The following RERG variants were observed in gnomAD, a reference collection of about 807,000 sequenced individuals.
RERG encodes RAS like estrogen regulated growth inhibitor.
In RERG, 25 loss-of-function variants were observed where a neutral mutation model predicts 23.2. That is an observed-to-expected ratio of 1.08 (90% CI 0.79 to 1.50). The LOEUF (loss-of-function observed/expected upper bound fraction) is 1.50. RERG is among the 40% of genes most tolerant of loss of function. The pLI is 0.00. For synonymous variants in RERG, 81 were observed against 89.1 expected (o/e 0.91, Z 0.51); for missense variants, 253 against 250.1 (o/e 1.01, Z -0.08).
intron 2 of RERG, among the ~76,000 whole-genome samples, chr12:15,204,107 T>A (rs1295959732): frequency 2.6e-5 from 4 of 151,650 alleles, no homozygotes; most frequent in African/African-American, 9.7e-5. Flanking sequence ...AGACCCAGAA[T>A]AGCCAACACA....
chr12:15,135,008 A>G (rs1443831794), intron 2 of RERG, among the ~76,000 whole-genome samples: 1 of 152,194 alleles, frequency 6.6e-6, no homozygotes, highest in Non-Finnish European at 1.5e-5. Flanking sequence ...AATTGGGAAG[A>G]ACTGACATCT....
At chr12:15,119,219 A>AC (rs1346797666) in intron 3 of RERG, among the ~76,000 whole-genome samples, 1 of 152,010 alleles carries the variant, frequency 6.6e-6, no homozygotes, top group Non-Finnish European at 1.5e-5. Context: ...TCACTCAATA[A>AC]AGTTTCATTA....
chr12:15,156,982 G>A (rs1311061265), intron 2 of RERG, among the ~76,000 whole-genome samples: 2 of 152,204 alleles, frequency 1.3e-5, no homozygotes, highest in Non-Finnish European at 2.9e-5. Flanking sequence ...TCTGTTGTTA[G>A]AGGATCCATT....
intron 2 of RERG, among the ~76,000 whole-genome samples, chr12:15,211,295 A>ACG (rs1814514580): frequency 6.7e-6 from 1 of 149,860 alleles, no homozygotes; most frequent in African/African-American, 2.5e-5. Context: ...ACACACACAC[A>ACG]CACACACACA....
chr12:15,120,924 G>A, intron 3 of RERG, 139 bp downstream of exon 3: 1 of 703,184 alleles, frequency 1.4e-6, no homozygotes, highest in East Asian at 2.7e-5. Context: ...TAGCCTCATA[G>A]AGGGCTTCTT....
At chr12:15,207,046 T>C (rs1759370228) in intron 2 of RERG, among the ~76,000 whole-genome samples, 1 of 152,148 alleles carries the variant, frequency 6.6e-6, no homozygotes, top group African/African-American at 2.4e-5. Context: ...TGTGATACAG[T>C]GTTAACGTGC....
chr12:15,162,235 A>T (rs1440309227), intron 2 of RERG, among the ~76,000 whole-genome samples: 1 of 152,218 alleles, frequency 6.6e-6, no homozygotes, highest in African/African-American at 2.4e-5. Context: ...TACTCTGGTT[A>T]TGCACTGAGT....
At chr12:15,162,892 C>T (rs1244506424) in intron 2 of RERG, among the ~76,000 whole-genome samples, 4 of 152,252 alleles carry the variant, frequency 2.6e-5, no homozygotes, top group South Asian at 2.1e-4. Context: ...TGCTCTAGAC[C>T]TTAGAGTCCT....
chr12:15,166,501 G>GATGAT (rs1466323850), intron 2 of RERG, among the ~76,000 whole-genome samples: 2 of 151,278 alleles, frequency 1.3e-5, no homozygotes, highest in Non-Finnish European at 2.9e-5. Context: ...TGATGATGAT[G>GATGAT]GGGATGGTGG....
chr12:15,145,833 T>C (rs996198880), intron 2 of RERG, among the ~76,000 whole-genome samples: 2 of 152,234 alleles, frequency 1.3e-5, no homozygotes, highest in Non-Finnish European at 2.9e-5. Flanking sequence ...AAATGGACTA[T>C]TTCAACTTTC....
intron 2 of RERG, among the ~76,000 whole-genome samples, chr12:15,151,755 G>C (rs34435341): frequency 2.6e-5 from 4 of 152,292 alleles, no homozygotes; most frequent in Non-Finnish European, 5.9e-5. Context: ...TAAGCAAAGA[G>C]AACTAATATG....
intron 2 of RERG, among the ~76,000 whole-genome samples, chr12:15,214,206 A>C (rs983921618): frequency 2.0e-5 from 3 of 152,216 alleles, no homozygotes; most frequent in Non-Finnish European, 4.4e-5. Context: ...GAGCATTTGC[A>C]ATGTGCCAGG....
chr12:15,185,306 A>G (rs767335116), intron 2 of RERG, among the ~76,000 whole-genome samples: 3 of 152,160 alleles, frequency 2.0e-5, no homozygotes, highest in Non-Finnish European at 2.9e-5. Flanking sequence ...CGTGGCCTAG[A>G]CATCAAGATT....
Position 15,111,327 on chromosome 12 carries a change from C to A in RERG, c.192+17G>T. ...TATTTGATCCAGAAAAATATTTTAG[C>A]TGAACTCTTTATTCACCTGACCAGC... On this transcript the variant is annotated intron_variant, in intron 4 of 4. Coordinates refer to ENST00000256953, the MANE Select transcript of RERG (RefSeq NM_032918.3). 6.4e-7 allele frequency: 1 copy of A among 1,574,704 alleles called. No individual in the cohort carries two copies. Among genetic ancestry groups the A allele is most frequent in the Non-Finnish European group, 8.7e-7 (1 of 1,151,740 alleles).
At chr12:15,205,134 C>A (rs574745986) in intron 2 of RERG, among the ~76,000 whole-genome samples, 2 of 152,016 alleles carry the variant, frequency 1.3e-5, no homozygotes, top group Admixed American at 1.3e-4. Flanking sequence ...ATTTATTCTG[C>A]TGAATACATA....
chr12:15,115,239 T>C (rs2039991947), intron 3 of RERG, among the ~76,000 whole-genome samples: 1 of 152,180 alleles, frequency 6.6e-6, no homozygotes, highest in Non-Finnish European at 1.5e-5. Context: ...TGTTAACTCA[T>C]TAATCCTCAC....
intron 2 of RERG, among the ~76,000 whole-genome samples, chr12:15,203,442 A>G (rs117728835): frequency 0.01 from 1,593 of 151,768 alleles, 18 homozygotes; most frequent in Non-Finnish European, 0.016. Flanking sequence ...AATACTCCAT[A>G]TGGCAAATCC....
In RERG at chr12:15,167,506, C is replaced by T. The variant is rs142502997; in HGVS notation, c.62-46387G>A. Among the ~76,000 whole-genome samples the T allele has an allele frequency of 1.1e-4, 17 of 152,218 alleles. No individual in the cohort carries two copies. In the East Asian group the frequency reaches 1.2e-3, roughly 10 times the overall value. ...GGCATGGGTAACTGCATTTCTAAGA[C>T]GGTGCTGGTGCTGCTGCTCTTAGGA... On this transcript the variant is annotated intron_variant, in intron 2 of 4. Transcript: ENST00000256953.
At chr12:15,131,030 C>T (rs1017889653) in intron 2 of RERG, among the ~76,000 whole-genome samples, 1 of 151,826 alleles carries the variant, frequency 6.6e-6, no homozygotes, top group Non-Finnish European at 1.5e-5. Flanking sequence ...CTTTTAATTC[C>T]TAACATGTTT....
Sources: gnomAD v4.1 joint callset for allele counts (sites outside exome capture counted in the v4.1 genomes callset) on GRCh38, gnomAD v4.1.1 for gene constraint, MANE v1.5 for transcripts, NCBI Gene and HGNC (gene_info 2026-07-23, HGNC 2026-07-21) for gene names.